Variants in ELOVL7 observed in about 807,000 individuals in gnomAD.
ELOVL7 encodes ELOVL fatty acid elongase 7, also known as very long chain fatty acid elongase 7.
In ELOVL7, 27 loss-of-function variants were observed where a neutral mutation model predicts 35.7. The observed-to-expected ratio is 0.76, with a 90% confidence interval of 0.56 to 1.04. The LOEUF (loss-of-function observed/expected upper bound fraction) is 1.04, where lower values mean the gene tolerates loss of function less well. ELOVL7 is among the 50% of genes least tolerant of loss of function. The pLI is 0.00. For missense variants in ELOVL7, 327 were observed against 340.8 expected (o/e 0.96, Z 0.32); for synonymous variants, 113 against 114.6 (o/e 0.99, Z 0.09).
At chr5:60,792,717 G>T (rs1744012670) in intron 2 of ELOVL7, among the ~76,000 whole-genome samples, 1 of 152,182 alleles carries the variant, frequency 6.6e-6, no homozygotes, top group Admixed American at 6.5e-5. Context: ...ACTCCATGTG[G>T]TATAGGTGTA....
intron 3 of ELOVL7, among the ~76,000 whole-genome samples, chr5:60,780,499 C>A (rs1447094614): frequency 6.6e-6 from 1 of 152,204 alleles, no homozygotes; most frequent in African/African-American, 2.4e-5. Flanking sequence ...TTCAAAGTCA[C>A]TTCCACATTT....
chr5:60,823,840 A>AT (rs1287917726), intron 1 of ELOVL7, among the ~76,000 whole-genome samples: 2 of 152,132 alleles, frequency 1.3e-5, no homozygotes, highest in African/African-American at 4.8e-5. Flanking sequence ...GGGCTCCAGG[A>AT]TTTTTTTAAG....
At chr5:60,787,139 T>G (rs991443722) in intron 3 of ELOVL7, among the ~76,000 whole-genome samples, 195 bp downstream of exon 3, 4 of 152,180 alleles carry the variant, frequency 2.6e-5, no homozygotes, top group Non-Finnish European at 4.4e-5. Flanking sequence ...ACTGTAAACA[T>G]TGTAATGAAC....
chr5:60,786,224 T>C (rs549332331), intron 3 of ELOVL7, among the ~76,000 whole-genome samples: 3 of 152,334 alleles, frequency 2.0e-5, no homozygotes, highest in East Asian at 1.9e-4. Context: ...TTAGCTTCGA[T>C]GATATCTAAG....
At chr5:60,819,694 G>A (rs894019913) in intron 1 of ELOVL7, among the ~76,000 whole-genome samples, 2 of 152,154 alleles carry the variant, frequency 1.3e-5, no homozygotes, top group African/African-American at 2.4e-5. Flanking sequence ...GCTGAGGCAC[G>A]AGAATCATTT....
At chr5:60,771,225 A>C (rs929138126) in intron 4 of ELOVL7, among the ~76,000 whole-genome samples, 19 of 152,290 alleles carry the variant, frequency 1.2e-4, no homozygotes, top group African/African-American at 4.6e-4. Context: ...AGAAAAGAAC[A>C]TACATGGGGG....
intron 1 of ELOVL7, among the ~76,000 whole-genome samples, chr5:60,822,303 C>T (rs974437905): frequency 1.1e-4 from 16 of 152,216 alleles, no homozygotes; most frequent in Middle Eastern, 3.4e-3. Flanking sequence ...TTCATAAGCT[C>T]GATATGTAAA....
At chr5:60,833,293 C>T (rs1251089383) in intron 1 of ELOVL7, among the ~76,000 whole-genome samples, 1 of 152,184 alleles carries the variant, frequency 6.6e-6, no homozygotes, top group African/African-American at 2.4e-5. Context: ...AGAGGTCAGC[C>T]TGAATGACCT....
At chr5:60,794,103 G>A (rs1744102375) in intron 2 of ELOVL7, among the ~76,000 whole-genome samples, 2 of 152,200 alleles carry the variant, frequency 1.3e-5, no homozygotes, top group South Asian at 4.1e-4. Flanking sequence ...GCTCACTCAT[G>A]AGTACTGGTG....
intron 1 of ELOVL7, among the ~76,000 whole-genome samples, chr5:60,807,197 C>G (rs1292609908): frequency 6.6e-6 from 1 of 151,558 alleles, no homozygotes; most frequent in African/African-American, 2.4e-5. Flanking sequence ...AATGGTACAA[C>G]AGGATTGATT....
intron 1 of ELOVL7, among the ~76,000 whole-genome samples, chr5:60,838,448 T>C (rs892552735): frequency 1.3e-5 from 2 of 152,220 alleles, no homozygotes; most frequent in African/African-American, 4.8e-5. Context: ...TACATTTACT[T>C]GTCTATAACT....
intron 2 of ELOVL7, among the ~76,000 whole-genome samples, chr5:60,792,650 T>C (rs1744008130): frequency 6.6e-6 from 1 of 152,104 alleles, no homozygotes; most frequent in African/African-American, 2.4e-5. Context: ...GAGAACTGCT[T>C]GAGCCTGGGC....
rs149162151 is a variant in ELOVL7 at position 60,810,679 on chromosome 5, A to G, written c.-85-11449T>C. The stretch of plus-strand genomic sequence containing the variant: ...CTGATTCATTGGACATCCATGCCAC[A>G]CTAGTTATTAATATTTTGGTTCTAA... On this transcript the variant is annotated intron_variant, in intron 1 of 8. Transcript: ENST00000508821. Among the ~76,000 whole-genome samples, 137 of 152,290 alleles carry G rather than the reference A, an allele frequency of 9.0e-4. 3 individuals carry two copies. The highest frequency in any genetic ancestry group is 1.9e-3 in the Non-Finnish European group (128 of 68,018).
intron 1 of ELOVL7, among the ~76,000 whole-genome samples, chr5:60,830,549 T>C (rs1382080250): frequency 6.6e-6 from 1 of 151,644 alleles, no homozygotes; most frequent in Non-Finnish European, 1.5e-5. Context: ...TCAGGTAAGG[T>C]ACCTGGGTTT....
At position 60,820,260 on chromosome 5, in the gene ELOVL7, T is replaced by C. The variant is rs114852874; in HGVS notation, c.-85-21030A>G. ...TGGAGCTCCAAATGGAGCCTCCTAA[T>C]AAGAGCCCAATTGACCAACACCTTA... On this transcript the variant is annotated intron_variant, in intron 1 of 8. Coordinates refer to ENST00000508821, the MANE Select transcript of ELOVL7 (RefSeq NM_024930.3). Among the ~76,000 whole-genome samples, 633 of 152,366 alleles carry C rather than the reference T, an allele frequency of 4.2e-3. 6 individuals are homozygous for C. Among genetic ancestry groups the C allele is most frequent in the African/African-American group, 0.014 (599 of 41,588 alleles).
At chr5:60,808,559 T>C (rs182729987) in intron 1 of ELOVL7, among the ~76,000 whole-genome samples, 8 of 152,310 alleles carry the variant, frequency 5.3e-5, no homozygotes, top group Admixed American at 4.6e-4. Flanking sequence ...CTTAAATTGG[T>C]CAACACAATT....
At chr5:60,815,153 C>A (rs1745448058) in intron 1 of ELOVL7, among the ~76,000 whole-genome samples, 1 of 152,218 alleles carries the variant, frequency 6.6e-6, no homozygotes, top group Admixed American at 6.5e-5. Flanking sequence ...ACATTACTTT[C>A]TGTAACAAGT....
chr5:60,802,409 C>T (rs1184712255), intron 1 of ELOVL7, among the ~76,000 whole-genome samples: 2 of 152,160 alleles, frequency 1.3e-5, no homozygotes, highest in African/African-American at 2.4e-5. Context: ...TGACGACACC[C>T]ATGACAACAT....
chr5:60,776,911 G>C (rs1256291479), intron 3 of ELOVL7, among the ~76,000 whole-genome samples: 2 of 152,096 alleles, frequency 1.3e-5, no homozygotes, highest in Non-Finnish European at 2.9e-5. Flanking sequence ...AGATAAATAG[G>C]AGATTATTTT....
Sources: allele counts gnomAD v4.1 joint callset (sites outside exome capture counted in the v4.1 genomes callset), GRCh38; gene constraint gnomAD v4.1.1; transcripts MANE v1.5; gene names NCBI Gene and HGNC (gene_info 2026-07-23, HGNC 2026-07-21).